LIPC: variants seen among roughly 807,000 people sequenced by gnomAD.
LIPC encodes lipase C, hepatic type.
In LIPC, 44 loss-of-function variants were observed where a neutral mutation model predicts 50.7. The ratio of observed to expected loss-of-function variants is 0.87; its 90% confidence interval spans 0.68 to 1.11. The LOEUF is 1.11. Among genes scored for constraint, LIPC ranks in the 50% most tolerant of loss-of-function variants. LIPC has a pLI of 0.00. For missense variants in LIPC, 697 were observed against 648.2 expected (o/e 1.08, Z -0.82); for synonymous variants, 271 against 256.4 (o/e 1.06, Z -0.54).
intron 1 of LIPC, among the ~76,000 whole-genome samples, chr15:58,459,598 T>C (rs1278984566): frequency 6.6e-6 from 1 of 152,202 alleles, no homozygotes; most frequent in Non-Finnish European, 1.5e-5. Flanking sequence ...TTTAGTCTTC[T>C]CTGGAGTCAT....
At chr15:58,455,032 G>A (rs1280913496) in intron 1 of LIPC, 7 of 152,178 alleles carry the variant, frequency 4.6e-5, no homozygotes, top group African/African-American at 1.7e-4. Context: ...CTGTGTGGTG[G>A]AAATACTATT....
intron 1 of LIPC, among the ~76,000 whole-genome samples, chr15:58,469,698 C>G (rs12593736): frequency 0.11 from 17,364 of 152,232 alleles, 1,202 homozygotes; most frequent in Non-Finnish European, 0.17. Context: ...AGCAGAGAAA[C>G]ACTGTGGCCG....
intron 1 of LIPC, among the ~76,000 whole-genome samples, chr15:58,524,947 A>G (rs765280649): frequency 6.6e-6 from 1 of 152,124 alleles, no homozygotes; most frequent in Non-Finnish European, 1.5e-5. Flanking sequence ...CTAATTTAAC[A>G]ATCTTTTACA....
At chr15:58,486,572 G>A (rs185721773) in intron 1 of LIPC, among the ~76,000 whole-genome samples, 223 of 152,280 alleles carry the variant, frequency 1.5e-3, no homozygotes, top group African/African-American at 5.0e-3. Context: ...AGGTTGTGTG[G>A]TCAATGTTTG....
Position 58,542,596 on chromosome 15 carries a change from G to A in LIPC, c.519G>A (p.Val173=), listed in dbSNP as rs1399557279. Reference sequence around the variant, plus strand: ...TTGGGTACAGCCTGGGTGCACACGTGTCAGGATTTGCCGGCAGTTCCATCG... The same window carrying A: ...TTGGGTACAGCCTGGGTGCACACGTATCAGGATTTGCCGGCAGTTCCATCG... ...HLIGYSLGAH[V]SGFAGSSIGG... Residue 173 remains valine, a synonymous_variant, in exon 4 of 9, where the codon GTG becomes GTA. Coordinates refer to ENST00000299022, the MANE Select transcript of LIPC (RefSeq NM_000236.3). The A allele has an allele frequency of 6.2e-7, 1 of 1,613,812 alleles. No homozygotes were observed. Among genetic ancestry groups the A allele is most frequent in the African/African-American group, 1.3e-5 (1 of 74,910 alleles).
chr15:58,511,988 A>T (rs1892343256), intron 1 of LIPC, among the ~76,000 whole-genome samples: 1 of 152,248 alleles, frequency 6.6e-6, no homozygotes, highest in South Asian at 2.1e-4. Flanking sequence ...ATGGAGACAC[A>T]CACAGCATTT....
chr15:58,547,285 T>C (rs1266295530), intron 5 of LIPC, among the ~76,000 whole-genome samples: 1 of 152,160 alleles, frequency 6.6e-6, no homozygotes, highest in African/African-American at 2.4e-5. Flanking sequence ...TCACCTTCAC[T>C]ACCTCCTGGG....
At chr15:58,462,823 G>C (rs574594754) in intron 1 of LIPC, among the ~76,000 whole-genome samples, 2 of 152,284 alleles carry the variant, frequency 1.3e-5, no homozygotes, top group South Asian at 4.1e-4. Context: ...CTCGGCAGAG[G>C]GGGCAGGCCT....
intron 1 of LIPC, among the ~76,000 whole-genome samples, chr15:58,449,689 G>A (rs1355579935): frequency 2.6e-5 from 4 of 151,864 alleles, no homozygotes; most frequent in African/African-American, 7.3e-5. Context: ...ACAAGCTTGC[G>A]CCACCGCACC....
intron 1 of LIPC, among the ~76,000 whole-genome samples, chr15:58,533,633 T>C (rs1291081023): frequency 1.3e-5 from 2 of 152,190 alleles, no homozygotes; most frequent in African/African-American, 4.8e-5. Flanking sequence ...TTGAAGAATT[T>C]TTGATGCTAT....
intron 1 of LIPC, among the ~76,000 whole-genome samples, chr15:58,446,800 G>T (rs1187837059): frequency 2.6e-5 from 4 of 152,128 alleles, no homozygotes; most frequent in Non-Finnish European, 4.4e-5. Context: ...GCAAATGACT[G>T]TTGCATGTTT....
At chr15:58,512,839 G>C (rs1210223013) in intron 1 of LIPC, among the ~76,000 whole-genome samples, 1 of 152,082 alleles carries the variant, frequency 6.6e-6, no homozygotes, top group Non-Finnish European at 1.5e-5. Context: ...TGTGAGGAAG[G>C]CTGACAGCCA....
At chr15:58,491,071 G>C (rs1891570196) in intron 1 of LIPC, among the ~76,000 whole-genome samples, 1 of 152,176 alleles carries the variant, frequency 6.6e-6, no homozygotes, top group Non-Finnish European at 1.5e-5. Flanking sequence ...AGGAACAAAA[G>C]CACCCTTGAA....
chr15:58,545,177 C>A (rs1252502585), intron 4 of LIPC, among the ~76,000 whole-genome samples: 1 of 151,962 alleles, frequency 6.6e-6, no homozygotes, highest in Non-Finnish European at 1.5e-5. Flanking sequence ...TTGAAAGTAG[C>A]TTGAGAGGTA....
At chr15:58,535,790 A>G (rs527270980) in intron 1 of LIPC, among the ~76,000 whole-genome samples, 1 of 152,326 alleles carries the variant, frequency 6.6e-6, no homozygotes, top group African/African-American at 2.4e-5. Context: ...GATAGGCACT[A>G]TTTTTATCCC....
At chr15:58,494,242 G>A (rs1221922564) in intron 1 of LIPC, among the ~76,000 whole-genome samples, 1 of 152,222 alleles carries the variant, frequency 6.6e-6, no homozygotes, top group African/African-American at 2.4e-5. Flanking sequence ...TCCCAGCAGT[G>A]ACATACCCAT....
chr15:58,490,286 T>C (rs1891540540), intron 1 of LIPC, among the ~76,000 whole-genome samples: 1 of 152,140 alleles, frequency 6.6e-6, no homozygotes, highest in Admixed American at 6.5e-5. Flanking sequence ...CTTAACTTCT[T>C]CTAAGAGCCG....
intron 1 of LIPC, among the ~76,000 whole-genome samples, chr15:58,524,544 C>T (rs1892746735): frequency 6.6e-6 from 1 of 152,232 alleles, no homozygotes; most frequent in South Asian, 2.1e-4. Flanking sequence ...CACCATTTTG[C>T]ATTCCTGCCA....
Position 58,432,018 on chromosome 15 carries a change from G to A in LIPC, c.-15G>A, listed in dbSNP as rs372805598. 3.8e-5 allele frequency: 61 copies of A among 1,598,852 alleles called. No individual in the cohort carries two copies. Among genetic ancestry groups the A allele is most frequent in the South Asian group, 7.7e-5 (7 of 90,772 alleles). ...AAATTACCAAGAAAGCCTGGACCCC[G>A]GGTGAAACGGAGAAATGGACACAAG... On this transcript the variant is annotated 5_prime_UTR_variant, in exon 1 of 9. Transcript: ENST00000299022.
Sources: allele counts gnomAD v4.1 joint callset (sites outside exome capture counted in the v4.1 genomes callset), GRCh38; gene constraint gnomAD v4.1.1; transcripts MANE v1.5; gene names NCBI Gene and HGNC (gene_info 2026-07-23, HGNC 2026-07-21).